Variants in NTRK3 observed in about 807,000 individuals in gnomAD.
NTRK3 encodes NT-3 growth factor receptor.
NTRK3 carries 24 observed loss-of-function variants against 91.7 expected under a neutral mutation model. That is an observed-to-expected ratio of 0.26 (90% CI 0.19 to 0.37). NTRK3 has a LOEUF of 0.37. Among genes scored for constraint, NTRK3 ranks in the 10% least tolerant of loss-of-function variants. The pLI is 1.00. For missense variants in NTRK3, 880 were observed against 1,068.9 expected, an observed-to-expected ratio of 0.82 and a Z score of 2.46; for synonymous variants, 483 against 404.0, an observed-to-expected ratio of 1.20 and a Z score of -2.34.
rs146410104 is a variant in NTRK3 at position 87,871,417 on chromosome 15, G to C, written c.*5518C>G. ...TATGGTCAGCAGTGCCTTTCAGAAA[G>C]AGCAATCAATGATCAAAATCTCACA... On this transcript the variant is annotated 3_prime_UTR_variant, in exon 19 of 19. Transcript: ENST00000394480. The C allele has an allele frequency of 6.5e-5, 15 of 230,690 alleles. No homozygotes were observed. In the East Asian group the frequency reaches 7.4e-4, roughly 11 times the overall value. The allele number at this position is 230,690 out of a possible 1,614,324, so 14.3% of individuals were successfully genotyped here.
At chr15:88,139,540 T>G (rs373804088) in intron 6 of NTRK3, among the ~76,000 whole-genome samples, 1 of 152,182 alleles carries the variant, frequency 6.6e-6, no homozygotes, top group Non-Finnish European at 1.5e-5. Context: ...GGAGGCAGAA[T>G]GTGCAAATAC....
intron 13 of NTRK3, among the ~76,000 whole-genome samples, chr15:88,119,694 A>G (rs1370223389): frequency 6.6e-6 from 1 of 152,176 alleles, no homozygotes; most frequent in Non-Finnish European, 1.5e-5. Flanking sequence ...AGAAGTCAAG[A>G]AGGAAGAAAA....
At chr15:87,905,844 C>T (rs1035531934) in intron 17 of NTRK3, among the ~76,000 whole-genome samples, 6 of 152,184 alleles carry the variant, frequency 3.9e-5, no homozygotes, top group African/African-American at 1.4e-4. Context: ...GGAAGCCACA[C>T]AGGAAGATTT....
At chr15:88,223,978 C>T (rs138400532) in intron 3 of NTRK3, among the ~76,000 whole-genome samples, 344 of 152,298 alleles carry the variant, frequency 2.3e-3, no homozygotes, top group Non-Finnish European at 3.5e-3. Context: ...GCAGAGTTAA[C>T]AGGACACAGA....
At chr15:87,986,506 G>T (rs775670321) in intron 14 of NTRK3, among the ~76,000 whole-genome samples, 1 of 152,146 alleles carries the variant, frequency 6.6e-6, no homozygotes, top group Non-Finnish European at 1.5e-5. Flanking sequence ...AAATAATTTT[G>T]CTGCATATGC....
chr15:88,001,638 CA>C (rs1444197489), intron 14 of NTRK3, among the ~76,000 whole-genome samples: 1 of 152,120 alleles, frequency 6.6e-6, no homozygotes, highest in Non-Finnish European at 1.5e-5. Context: ...GTTGAAAAAT[CA>C]GTTGACCGCA....
intron 14 of NTRK3, among the ~76,000 whole-genome samples, chr15:87,952,241 A>G (rs1218760177): frequency 6.6e-6 from 1 of 151,478 alleles, no homozygotes; most frequent in Non-Finnish European, 1.5e-5. Context: ...AAAGAAAAGA[A>G]AAAGAAAGAA....
intron 13 of NTRK3, among the ~76,000 whole-genome samples, chr15:88,069,503 G>C (rs949666891): frequency 6.6e-6 from 1 of 152,182 alleles, no homozygotes; most frequent in Non-Finnish European, 1.5e-5. Context: ...TGGAAGTGTG[G>C]AGCCTGGGTG....
chr15:87,973,921 G>C (rs537835673), intron 14 of NTRK3, among the ~76,000 whole-genome samples: 1 of 152,274 alleles, frequency 6.6e-6, no homozygotes, highest in African/African-American at 2.4e-5. Flanking sequence ...CAGAGCACAG[G>C]AGTCAGTAAA....
At chr15:88,056,362 G>A (rs2045694625) in intron 13 of NTRK3, among the ~76,000 whole-genome samples, 1 of 151,840 alleles carries the variant, frequency 6.6e-6, no homozygotes. Context: ...GGCATAGGTT[G>A]GAGATGAAGG....
intron 17 of NTRK3, among the ~76,000 whole-genome samples, chr15:87,886,604 G>A (rs533848989): frequency 2.4e-4 from 35 of 146,772 alleles, no homozygotes; most frequent in South Asian, 4.2e-4. Context: ...AAAAATGTTC[G>A]GAAAACCAAC....
At chr15:88,002,208 T>A (rs1234805790) in intron 14 of NTRK3, among the ~76,000 whole-genome samples, 1 of 117,720 alleles carries the variant, frequency 8.5e-6, no homozygotes, top group African/African-American at 3.4e-5. Context: ...AAACTGAAAA[T>A]CTAAGAGTTG....
At chr15:88,162,508 C>G (rs1462577948) in intron 5 of NTRK3, among the ~76,000 whole-genome samples, 1 of 152,132 alleles carries the variant, frequency 6.6e-6, no homozygotes, top group Non-Finnish European at 1.5e-5. Flanking sequence ...TTTCCAAATC[C>G]TTGAAAGAAA....
intron 13 of NTRK3, among the ~76,000 whole-genome samples, chr15:88,061,766 C>G (rs891050060): frequency 6.6e-6 from 1 of 152,196 alleles, no homozygotes; most frequent in Non-Finnish European, 1.5e-5. Flanking sequence ...TTAGAGTCCC[C>G]TGTGAGGCAG....
At chr15:88,118,814 G>T (rs2052389197) in intron 13 of NTRK3, among the ~76,000 whole-genome samples, 1 of 152,168 alleles carries the variant, frequency 6.6e-6, no homozygotes, top group Non-Finnish European at 1.5e-5. Context: ...AACTGGGTAA[G>T]GTATCGCGGG....
chr15:87,918,802 C>T (rs1220171440), intron 17 of NTRK3, among the ~76,000 whole-genome samples: 2 of 152,114 alleles, frequency 1.3e-5, no homozygotes, highest in Admixed American at 1.3e-4. Flanking sequence ...GGAAATAAAC[C>T]AACATGGACA....
intron 13 of NTRK3, among the ~76,000 whole-genome samples, chr15:88,097,391 G>C (rs368998410): frequency 4.6e-5 from 7 of 152,178 alleles, no homozygotes; most frequent in African/African-American, 1.7e-4. Flanking sequence ...AGAGTGACAG[G>C]AACGCACTGA....
chr15:87,892,083 A>AACCCACACACACAC (rs2065881316), intron 17 of NTRK3, among the ~76,000 whole-genome samples: 1 of 141,344 alleles, frequency 7.1e-6, no homozygotes, highest in African/African-American at 2.8e-5. Flanking sequence ...CCCCATCCCC[A>AACCCACACACACAC]ACACACACAC....
At chr15:88,228,275 C>T (rs1291378130) in intron 3 of NTRK3, among the ~76,000 whole-genome samples, 1 of 152,112 alleles carries the variant, frequency 6.6e-6, no homozygotes, top group Non-Finnish European at 1.5e-5. Context: ...TTTCTCTCTC[C>T]CACCCCCTCT....
Sources: allele counts gnomAD v4.1 joint callset (sites outside exome capture counted in the v4.1 genomes callset), GRCh38; gene constraint gnomAD v4.1.1; transcripts MANE v1.5; gene names NCBI Gene and HGNC (gene_info 2026-07-23, HGNC 2026-07-21).